The following VAMP4 variants were observed in gnomAD, a reference collection of about 807,000 sequenced individuals.
The protein encoded by VAMP4 is vesicle-associated membrane protein 4.
A neutral mutation model predicts 23.5 loss-of-function variants in VAMP4; 19 were observed. The ratio of observed to expected loss-of-function variants is 0.81; its 90% CI spans 0.56 to 1.19. The LOEUF is 1.19. VAMP4 is among the 50% of genes most tolerant of loss of function. The pLI is 0.00. For synonymous variants in VAMP4, 31 were observed against 51.0 expected, an observed-to-expected ratio of 0.61 and a Z score of 1.67; for missense variants, 145 against 168.6, an observed-to-expected ratio of 0.86 and a Z score of 0.78.
Position 171,704,385 on chromosome 1 carries a change from G to A in VAMP4, c.*121C>T. On this transcript the variant is annotated 3_prime_UTR_variant, in exon 8 of 8. Coordinates refer to ENST00000236192, the MANE Select transcript of VAMP4 (RefSeq NM_003762.5). ...AACGTTCCAATTTGAAGTGATACTT[G>A]CCTCTTAGTTTCTTGAAAAAGAAGT... is the stretch of plus-strand genomic sequence containing the variant. The A allele has an allele frequency of 1.5e-6, 1 of 645,278 alleles. No individual in the cohort carries two copies. Among genetic ancestry groups the A allele is most frequent in the Non-Finnish European group, 2.3e-6 (1 of 426,978 alleles). 40.0% of individuals were successfully genotyped at this position (645,278 alleles called of 1,614,324 possible).
chr1:171,736,638 T>G (rs1013250841), intron 2 of VAMP4, among the ~76,000 whole-genome samples: 3 of 150,212 alleles, frequency 2.0e-5, no homozygotes, highest in African/African-American at 7.5e-5. Context: ...TGGATTCTAT[T>G]TCCCCATTAA....
At chr1:171,704,583 T>C in intron 7 of VAMP4, 49 bp from the exon 8 acceptor site, 2 of 1,372,662 alleles carry the variant, frequency 1.5e-6, no homozygotes, top group Non-Finnish European at 2.0e-6. Flanking sequence ...CAGATATATA[T>C]GCTATGTTTG....
At chr1:171,719,914 C>T (rs73044063) in intron 3 of VAMP4, among the ~76,000 whole-genome samples, 3,918 of 151,494 alleles carry the variant, frequency 0.026, 170 homozygotes, top group African/African-American at 0.089. Flanking sequence ...TCCGGAGATA[C>T]AGAATAAATA....
intron 5 of VAMP4, among the ~76,000 whole-genome samples, chr1:171,710,001 T>G (rs1654796472): frequency 6.6e-6 from 1 of 152,080 alleles, no homozygotes; most frequent in African/African-American, 2.4e-5. Flanking sequence ...AGAAAAGTCT[T>G]TTTAGGGCCT....
At chr1:171,707,737 A>G (rs558974573) in intron 6 of VAMP4, among the ~76,000 whole-genome samples, 37 of 152,166 alleles carry the variant, frequency 2.4e-4, no homozygotes, top group Admixed American at 1.5e-3. Flanking sequence ...CATGGTCCCC[A>G]GAGGTTCTCA....
At chr1:171,732,999 T>C (rs1308380887) in intron 2 of VAMP4, among the ~76,000 whole-genome samples, 1 of 151,958 alleles carries the variant, frequency 6.6e-6, no homozygotes, top group African/African-American at 2.4e-5. Context: ...AAACAAAGAA[T>C]AGAAATAGAT....
chr1:171,727,625 C>A (rs1268176348), intron 3 of VAMP4, among the ~76,000 whole-genome samples: 2 of 152,114 alleles, frequency 1.3e-5, no homozygotes, highest in East Asian at 3.8e-4. Context: ...TAGCATATAT[C>A]CACACAAAAA....
intron 3 of VAMP4, among the ~76,000 whole-genome samples, chr1:171,723,494 G>A (rs776715821): frequency 6.6e-6 from 1 of 152,204 alleles, no homozygotes; most frequent in Non-Finnish European, 1.5e-5. Flanking sequence ...CTGAGAAAAA[G>A]AATTCAGTGA....
At chr1:171,712,452 A>C (rs1018332429) in intron 4 of VAMP4, among the ~76,000 whole-genome samples, 29 of 152,312 alleles carry the variant, frequency 1.9e-4, no homozygotes, top group African/African-American at 6.7e-4. Flanking sequence ...GTACTCTCAG[A>C]TTCAAGTAGC....
rs188578703 is a variant in VAMP4 at position 171,707,233 on chromosome 1, C to A, written c.346-815G>T. On this transcript the variant is annotated intron_variant, in intron 6 of 7. Transcript: ENST00000236192. ...AGGTGTTAGCGATTCTCTTTCCCCA[C>A]CTATGGATAATTTTATTAACTCATT... Among the ~76,000 whole-genome samples, 585 of 152,274 alleles carry A rather than the reference C, an allele frequency of 3.8e-3. 6 individuals carry two copies. The highest frequency in any genetic ancestry group is 0.013 in the African/African-American group (544 of 41,546).
chr1:171,727,842 C>G (rs1476569285), intron 3 of VAMP4, among the ~76,000 whole-genome samples: 1 of 152,192 alleles, frequency 6.6e-6, no homozygotes, highest in Non-Finnish European at 1.5e-5. Context: ...AGGGGGCATA[C>G]TGCATGATTT....
intron 3 of VAMP4, among the ~76,000 whole-genome samples, chr1:171,721,343 G>A (rs542980001): frequency 2.0e-5 from 3 of 152,176 alleles, no homozygotes; most frequent in South Asian, 4.1e-4. Context: ...GGCAAACATA[G>A]ACGAGGAGGA....
intron 4 of VAMP4, among the ~76,000 whole-genome samples, chr1:171,714,030 G>A (rs1166211723): frequency 1.3e-5 from 2 of 152,136 alleles, no homozygotes; most frequent in Admixed American, 6.6e-5. Context: ...CACTATTAGT[G>A]AGTTATTGCT....
chr1:171,737,850 C>T (rs145937037), intron 2 of VAMP4, among the ~76,000 whole-genome samples: 127 of 152,182 alleles, frequency 8.3e-4, no homozygotes, highest in African/African-American at 2.8e-3. Flanking sequence ...ATGATTTGAT[C>T]AATAATGGAA....
chr1:171,723,005 G>A (rs187447680), intron 3 of VAMP4, among the ~76,000 whole-genome samples: 53 of 152,234 alleles, frequency 3.5e-4, no homozygotes, highest in African/African-American at 1.1e-3. Flanking sequence ...GTAATAAAGG[G>A]AAAGACTACA....
chr1:171,739,326 T>A (rs1312313825), intron 1 of VAMP4, among the ~76,000 whole-genome samples: 1 of 152,206 alleles, frequency 6.6e-6, no homozygotes, highest in Non-Finnish European at 1.5e-5. Context: ...TCAGAGAGCT[T>A]CCCAAAAGCT....
rs1329074153 is a variant in VAMP4, at chr1:171,700,692, T to G, written c.*3814A>C. 1 of 152,206 alleles carries G rather than the reference T, an allele frequency of 6.6e-6. No homozygotes were observed. Among genetic ancestry groups the G allele is most frequent in the Non-Finnish European group, 1.5e-5 (1 of 68,064 alleles). The allele number at this position is 152,206 out of a possible 1,614,324, so 9.4% of individuals were successfully genotyped here. On this transcript the variant is annotated 3_prime_UTR_variant, in exon 8 of 8. Transcript: ENST00000236192. ...CTCCAGAGAGCACTGTGGAGTCACCTCTCACTGATATACTAACATGTGGCA... is the reference window on the plus strand; with the variant it reads ...CTCCAGAGAGCACTGTGGAGTCACCGCTCACTGATATACTAACATGTGGCA...
chr1:171,719,355 G>A (rs1655118097), intron 3 of VAMP4, 134 bp from the exon 4 acceptor site: 2 of 665,468 alleles, frequency 3.0e-6, no homozygotes, highest in African/African-American at 3.8e-5. Flanking sequence ...TATCATAAGG[G>A]ACCACATTTT....
At chr1:171,707,444 CACG>C (rs1297196651) in intron 6 of VAMP4, among the ~76,000 whole-genome samples, 1 of 152,178 alleles carries the variant, frequency 6.6e-6, no homozygotes. Flanking sequence ...TCTCCAACTG[CACG>C]ACATCCCCCT....
Sources: allele counts gnomAD v4.1 joint callset (sites outside exome capture counted in the v4.1 genomes callset), GRCh38; gene constraint gnomAD v4.1.1; transcripts MANE v1.5; gene names NCBI Gene and HGNC (gene_info 2026-07-23, HGNC 2026-07-21).